TMEM163: variants seen among roughly 807,000 people sequenced by gnomAD.
TMEM163 encodes the protein transmembrane protein 163.
In TMEM163, 17 loss-of-function variants were observed where a neutral mutation model predicts 29.3. The observed-to-expected ratio is 0.58, with a 90% CI of 0.40 to 0.87. The LOEUF (loss-of-function observed/expected upper bound fraction) is 0.87, where lower values mean the gene tolerates loss of function less well. Among genes scored for constraint, TMEM163 ranks in the 40% least tolerant of loss-of-function variants. The probability of loss-of-function intolerance (pLI) is 0.00; values close to 1 mark genes in which losing one functional copy is unlikely to be tolerated. For synonymous variants in TMEM163, 157 were observed against 160.6 expected (o/e 0.98, Z 0.17); for missense variants, 303 against 381.5 (o/e 0.79, Z 1.71).
intron 4 of TMEM163, among the ~76,000 whole-genome samples, chr2:134,544,440 T>C (rs1018995928): frequency 6.6e-6 from 1 of 152,212 alleles, no homozygotes; most frequent in African/African-American, 2.4e-5. Flanking sequence ...AGAGACATTG[T>C]CCAATACAGT....
At chr2:134,586,027 G>A (rs1262277548) in intron 2 of TMEM163, among the ~76,000 whole-genome samples, 2 of 152,124 alleles carry the variant, frequency 1.3e-5, no homozygotes, top group Non-Finnish European at 2.9e-5. Context: ...TGAAGAGCAA[G>A]CAAGGCTCTA....
chr2:134,566,535 C>T (rs991494868), intron 2 of TMEM163, among the ~76,000 whole-genome samples: 8 of 152,084 alleles, frequency 5.3e-5, no homozygotes, highest in African/African-American at 1.9e-4. Context: ...CGCACTCCAG[C>T]CTGGGTGGCA....
chr2:134,515,337 G>A (rs1451177372), intron 4 of TMEM163, among the ~76,000 whole-genome samples: 2 of 152,272 alleles, frequency 1.3e-5, no homozygotes, highest in South Asian at 4.1e-4. Context: ...GTCTCTGTGG[G>A]AAATGACGAG....
chr2:134,633,001 G>A (rs546465673), intron 2 of TMEM163, among the ~76,000 whole-genome samples: 140 of 147,138 alleles, frequency 9.5e-4, no homozygotes, highest in African/African-American at 3.3e-3. Context: ...CTCGTGATCC[G>A]CCTGCCTCGG....
At chr2:134,707,652 C>A (rs1684843432) in intron 2 of TMEM163, among the ~76,000 whole-genome samples, 1 of 152,074 alleles carries the variant, frequency 6.6e-6, no homozygotes, top group South Asian at 2.1e-4. Context: ...AGCCTTCATC[C>A]ATGCAGGAGG....
At chr2:134,549,768 G>A (rs184011482) in intron 4 of TMEM163, among the ~76,000 whole-genome samples, 6 of 152,186 alleles carry the variant, frequency 3.9e-5, no homozygotes, top group East Asian at 3.9e-4. Context: ...ACACATACAC[G>A]TATACATGCA....
chr2:134,458,093 A>G lies in TMEM163; in HGVS notation c.748T>C (p.Trp250Arg). 6.2e-7 allele frequency: 1 copy of G among 1,614,198 alleles called. No homozygotes were observed. Among genetic ancestry groups the G allele is most frequent in the South Asian group, 1.1e-5 (1 of 91,084 alleles). ...ACGCCTATGCTGCCGTCCAGGTACC[A>G]GACCGCCGAGTCATGCTTGAACACT... is the stretch of plus-strand genomic sequence containing the variant. ...AEVFKHDSAV[W>R]YLDGSIGVLI... The change falls in exon 7 of 8, where the codon TGG becomes CGG. Residue 250 changes from tryptophan to arginine, a missense_variant. Physicochemically the swap from Trp to Arg is moderately radical, Grantham distance 101. Coordinates refer to ENST00000281924, the MANE Select transcript of TMEM163 (RefSeq NM_030923.5).
At chr2:134,656,217 C>G (rs938115581) in intron 2 of TMEM163, among the ~76,000 whole-genome samples, 18 of 148,838 alleles carry the variant, frequency 1.2e-4, no homozygotes, top group Non-Finnish European at 2.2e-4. Context: ...GGGCGTAGGA[C>G]CCTCCGAGCC....
chr2:134,710,807 C>A (rs1191979937), intron 2 of TMEM163, among the ~76,000 whole-genome samples: 2 of 152,060 alleles, frequency 1.3e-5, no homozygotes, highest in East Asian at 1.9e-4. Context: ...ATGATTAACA[C>A]CCCCTGCTAA....
intron 2 of TMEM163, among the ~76,000 whole-genome samples, chr2:134,554,705 TG>T (rs1188285889): frequency 1.3e-5 from 2 of 152,152 alleles, no homozygotes; most frequent in Non-Finnish European, 2.9e-5. Context: ...CACTAAATGG[TG>T]GGTGGGGTGT....
intron 2 of TMEM163, among the ~76,000 whole-genome samples, chr2:134,556,344 C>T (rs1681049348): frequency 6.6e-6 from 1 of 152,078 alleles, no homozygotes; most frequent in African/African-American, 2.4e-5. Context: ...AATCCCATGC[C>T]CAAGATTTTA....
chr2:134,649,322 C>T (rs2104846210), intron 2 of TMEM163, among the ~76,000 whole-genome samples: 1 of 152,354 alleles, frequency 6.6e-6, no homozygotes, highest in Non-Finnish European at 1.5e-5. Flanking sequence ...GAGGAATCAT[C>T]ATGCTCCCCT....
intron 5 of TMEM163, among the ~76,000 whole-genome samples, chr2:134,474,445 G>GA (rs36038749): frequency 0.65 from 98,626 of 151,842 alleles, 35,118 homozygotes; most frequent in East Asian, 0.98. Flanking sequence ...AACCAACGGT[G>GA]AAAAAATGAA....
At chr2:134,661,598 C>T (rs1055881907) in intron 2 of TMEM163, among the ~76,000 whole-genome samples, 1 of 152,192 alleles carries the variant, frequency 6.6e-6, no homozygotes, top group East Asian at 1.9e-4. Context: ...CAGGTAGACA[C>T]CTGCTAATTT....
Position 134,456,754 on chromosome 2 carries a change from T to A in TMEM163, c.832A>T (p.Arg278Trp). ...GVKLLIDMVP[R>W]VRQTRHYEMF... is the part of the protein sequence containing the mutation. ...TCGTAGTGACGTGTCTGCCTCACCC[T>A]CGGCACCATGTCGATGAGGAGTCTG... The change falls in exon 8 of 8, where the codon AGG (arginine) becomes TGG (tryptophan). Residue 278 changes from arginine to tryptophan, a missense_variant. This residue lies in a region of TMEM163 where 203 missense variants were observed against 294.3 expected (regional missense o/e 0.69). Coordinates refer to ENST00000281924, the MANE Select transcript of TMEM163 (RefSeq NM_030923.5). 2 of 1,613,616 alleles carry A rather than the reference T, an allele frequency of 1.2e-6. No homozygotes were observed. Among genetic ancestry groups the A allele is most frequent in the Non-Finnish European group, 1.7e-6 (2 of 1,179,908 alleles).
intron 4 of TMEM163, among the ~76,000 whole-genome samples, chr2:134,527,335 A>AAGGAAGGG (rs1680317489): frequency 1.3e-5 from 2 of 152,212 alleles, no homozygotes; most frequent in South Asian, 4.2e-4. Flanking sequence ...GAGAGAGAGG[A>AAGGAAGGG]AGGAAGGGAG....
intron 2 of TMEM163, among the ~76,000 whole-genome samples, chr2:134,709,730 G>A (rs961114681): frequency 1.3e-5 from 2 of 152,176 alleles, no homozygotes; most frequent in African/African-American, 4.8e-5. Context: ...AGCCGTGATG[G>A]GAAAGGGGAC....
chr2:134,530,994 T>C (rs1680404454), intron 4 of TMEM163, among the ~76,000 whole-genome samples: 1 of 152,222 alleles, frequency 6.6e-6, no homozygotes, highest in Non-Finnish European at 1.5e-5. Context: ...GGTTTGATTC[T>C]TTCTGGCCTG....
Position 134,466,085 on chromosome 2 carries a change from CAGAGATTAGG to C in TMEM163, c.667+19_667+28del, listed in dbSNP as rs1686663761. 6.4e-7 allele frequency: 1 copy of C among 1,553,706 alleles called. No individual in the cohort carries two copies. Among genetic ancestry groups the C allele is most frequent in the Non-Finnish European group, 8.8e-7 (1 of 1,131,946 alleles). ...CTTCCTCCACTGTGAGCCCAGCCCCCAGAGATTAGGCACCCTGGCCTTACTCACCATCTGT... is the reference window on the plus strand; with the variant it reads ...CTTCCTCCACTGTGAGCCCAGCCCCCCACCCTGGCCTTACTCACCATCTGT... On this transcript the variant is annotated intron_variant, in intron 6 of 7. Transcript: ENST00000281924.
Sources: allele counts gnomAD v4.1 joint callset (sites outside exome capture counted in the v4.1 genomes callset), GRCh38; gene constraint gnomAD v4.1.1; regional missense constraint gnomAD v4.1.1; transcripts MANE v1.5; gene names NCBI Gene and HGNC (gene_info 2026-07-23, HGNC 2026-07-21).